SDK2: variants seen among roughly 807,000 people sequenced by gnomAD.
SDK2 encodes protein sidekick-2.
SDK2 carries 105 observed loss-of-function variants against 253.9 expected under a neutral mutation model. The observed-to-expected ratio is 0.41, with a 90% CI of 0.35 to 0.49. The LOEUF (loss-of-function observed/expected upper bound fraction) is 0.49, where lower values mean the gene tolerates loss of function less well. Among genes scored for constraint, SDK2 ranks in the 20% least tolerant of loss-of-function variants. SDK2 has a pLI of 0.06. For missense variants in SDK2, 2,608 were observed against 3,003.0 expected (o/e 0.87, Z 3.07); for synonymous variants, 1,249 against 1,234.9 (o/e 1.01, Z -0.24).
chr17:73,622,332 T>C (rs1001927330), intron 1 of SDK2, among the ~76,000 whole-genome samples: 1 of 152,210 alleles, frequency 6.6e-6, no homozygotes, highest in African/African-American at 2.4e-5. Context: ...GCCCCCGTTA[T>C]CTGCATGTGC....
chr17:73,477,400 A>G (rs1288681152), intron 2 of SDK2, among the ~76,000 whole-genome samples: 1 of 151,822 alleles, frequency 6.6e-6, no homozygotes, highest in Non-Finnish European at 1.5e-5. Flanking sequence ...ACTCAAGAGG[A>G]AGTGCAGTGT....
chr17:73,565,200 A>G (rs1019956244), intron 1 of SDK2, among the ~76,000 whole-genome samples: 4 of 152,212 alleles, frequency 2.6e-5, no homozygotes, highest in African/African-American at 4.8e-5. Flanking sequence ...TCCCAGAAGG[A>G]GGAGAGCCAG....
At chr17:73,416,483 G>A (rs2063183537) in intron 16 of SDK2, among the ~76,000 whole-genome samples, 2 of 151,268 alleles carry the variant, frequency 1.3e-5, no homozygotes, top group South Asian at 2.1e-4. Context: ...ATTATAGCAT[G>A]AGCCACTATA....
chr17:73,574,887 G>A (rs1014522860), intron 1 of SDK2, among the ~76,000 whole-genome samples: 1 of 152,166 alleles, frequency 6.6e-6, no homozygotes, highest in African/African-American at 2.4e-5. Flanking sequence ...AGAGGGTGCT[G>A]GGTTTGGAGG....
chr17:73,403,322 C>T (rs966114262), intron 18 of SDK2, among the ~76,000 whole-genome samples: 2 of 152,112 alleles, frequency 1.3e-5, no homozygotes, highest in African/African-American at 4.8e-5. Context: ...TTGGGATTTC[C>T]ATCTTAAATA....
intron 3 of SDK2, among the ~76,000 whole-genome samples, chr17:73,458,389 G>C (rs1475791288): frequency 6.6e-6 from 1 of 152,208 alleles, no homozygotes; most frequent in Non-Finnish European, 1.5e-5. Flanking sequence ...CCAGGGCACA[G>C]AAAGGCCCGT....
chr17:73,412,048 ATATAC>A (rs1568389305), intron 18 of SDK2, among the ~76,000 whole-genome samples: 5 of 7,178 alleles, frequency 7.0e-4, no homozygotes, highest in African/African-American at 9.3e-4. Context: ...ATATATATGT[ATATAC>A]GTATATGTAT....
intron 1 of SDK2, among the ~76,000 whole-genome samples, chr17:73,617,189 A>T (rs1599729757): frequency 9.6e-6 from 1 of 103,962 alleles, no homozygotes; most frequent in East Asian, 3.0e-4. Flanking sequence ...GCTCCAGGGG[A>T]GGGGAGGGGC....
chr17:73,420,777 G>A (rs1246144219), intron 15 of SDK2, among the ~76,000 whole-genome samples: 1 of 152,156 alleles, frequency 6.6e-6, no homozygotes, highest in Non-Finnish European at 1.5e-5. Context: ...CCGGGTTCAA[G>A]CAATTCTCCT....
chr17:73,575,642 A>G (rs1470952814), intron 1 of SDK2, among the ~76,000 whole-genome samples: 1 of 152,258 alleles, frequency 6.6e-6, no homozygotes, highest in African/African-American at 2.4e-5. Flanking sequence ...AAACGAGTTA[A>G]TATGTGTAAA....
At chr17:73,345,857 T>C (rs2062478382) in intron 44 of SDK2, among the ~76,000 whole-genome samples, 1 of 152,196 alleles carries the variant, frequency 6.6e-6, no homozygotes, top group Non-Finnish European at 1.5e-5. Context: ...TGGCTTCTAC[T>C]GAACACTTCA....
chr17:73,564,120 C>G (rs1026157089), intron 1 of SDK2, among the ~76,000 whole-genome samples: 2 of 152,180 alleles, frequency 1.3e-5, no homozygotes, highest in Admixed American at 1.3e-4. Flanking sequence ...CCTTGCTTTA[C>G]GTTTTTCTGT....
rs964973499 is a variant in SDK2, at chr17:73,338,223, C to T, written c.*364G>A. On this transcript the variant is annotated 3_prime_UTR_variant, in exon 45 of 45. Coordinates refer to ENST00000392650, the MANE Select transcript of SDK2 (RefSeq NM_001144952.2). The surrounding 1 kb of genome is among the most constrained non-coding windows in gnomAD (Gnocchi z 5.0). ...GACATCCAGAAGCTTTTTCTTCCCT[C>T]GGCCACGCCTGCCTGGCGGCCTCCA... The T allele has an allele frequency of 2.1e-5, 8 of 382,518 alleles. No individual in the cohort carries two copies. The highest frequency in any genetic ancestry group is 2.5e-5 in the Non-Finnish European group (5 of 196,616). The allele number at this position is 382,518 out of a possible 1,614,324, so 23.7% of individuals were successfully genotyped here. A position where few individuals can be genotyped will look rare whatever the true frequency, so the allele number is the denominator to read the frequency against.
intron 1 of SDK2, among the ~76,000 whole-genome samples, chr17:73,610,834 C>T (rs565093001): frequency 4.6e-5 from 7 of 151,406 alleles, no homozygotes; most frequent in East Asian, 1.9e-4. Context: ...GTGTGGTGTG[C>T]GTGTGCGTGT....
chr17:73,543,368 G>C (rs976864163), intron 1 of SDK2, among the ~76,000 whole-genome samples: 3 of 152,174 alleles, frequency 2.0e-5, no homozygotes, highest in African/African-American at 7.2e-5. Context: ...CAGGGCAGGT[G>C]CCATGCCGCT....
At position 73,428,316 on chromosome 17, in the gene SDK2, G is replaced by A. The variant is rs542958484; in HGVS notation, c.1583+2195C>T. Among the ~76,000 whole-genome samples the A allele has an allele frequency of 3.2e-4, 48 of 152,148 alleles. No homozygotes were observed. In the East Asian group the frequency reaches 4.5e-3, roughly 14 times the overall value. ...CCTGACTTCATGATCCACCCGCCTC[G>A]GCCTCTCAAAGTGCTGGGATTATGG... On this transcript the variant is annotated intron_variant, in intron 12 of 44. Transcript: ENST00000392650.
intron 1 of SDK2, among the ~76,000 whole-genome samples, chr17:73,537,251 C>A (rs1020178642): frequency 2.0e-5 from 3 of 152,164 alleles, no homozygotes; most frequent in Admixed American, 6.5e-5. Context: ...AACCTCCTGC[C>A]CTGCTCGCCT....
intron 36 of SDK2, chr17:73,369,163 T>C (rs969368603): frequency 2.1e-6 from 1 of 471,052 alleles, no homozygotes; most frequent in Non-Finnish European, 4.4e-6. Context: ...GGATTTACCA[T>C]AGCGCTGGCA....
At position 73,441,073 on chromosome 17, in the gene SDK2, T is replaced by C. The variant is rs2063411960; in HGVS notation, c.614-150A>G. 4.9e-6 allele frequency: 3 copies of C among 611,334 alleles called. No individual in the cohort carries two copies. In the East Asian group the frequency reaches 8.4e-5, roughly 17 times the overall value. 37.9% of individuals were successfully genotyped at this position (611,334 alleles called of 1,614,324 possible). On this transcript the variant is annotated intron_variant, in intron 5 of 44. Coordinates refer to ENST00000392650, the MANE Select transcript of SDK2 (RefSeq NM_001144952.2). ...AGCCCCAGAGCAGACCTCCAGACACTGACCCCAGGGACTACCTGATCCCTC... is the reference window on the plus strand; with the variant it reads ...AGCCCCAGAGCAGACCTCCAGACACCGACCCCAGGGACTACCTGATCCCTC...
Sources: allele counts gnomAD v4.1 joint callset (sites outside exome capture counted in the v4.1 genomes callset), GRCh38; gene constraint gnomAD v4.1.1; non-coding constraint Gnocchi (gnomAD v3.1); transcripts MANE v1.5; gene names NCBI Gene and HGNC (gene_info 2026-07-23, HGNC 2026-07-21).